TRPS1: variants seen among roughly 807,000 people sequenced by gnomAD.
The protein encoded by TRPS1 is zinc finger transcription factor Trps1.
TRPS1 carries 6 observed loss-of-function variants against 101.2 expected under a neutral mutation model. The observed-to-expected ratio is 0.06, with a 90% CI of 0.03 to 0.12. TRPS1 has a LOEUF of 0.12. TRPS1 is among the 10% of genes least tolerant of loss of function. TRPS1 has a pLI of 1.00. For missense variants in TRPS1, 1,363 were observed against 1,567.0 expected (o/e 0.87, Z 2.20); for synonymous variants, 578 against 589.8 (o/e 0.98, Z 0.29).
At chr8:115,632,057 A>G (rs1818658394) in intron 1 of TRPS1, among the ~76,000 whole-genome samples, 1 of 152,134 alleles carries the variant, frequency 6.6e-6, no homozygotes, top group Non-Finnish European at 1.5e-5. Context: ...TACACAGAGG[A>G]AAGTTCATTA....
chr8:115,629,587 A>AT (rs749337747), intron 1 of TRPS1, among the ~76,000 whole-genome samples: 2 of 151,992 alleles, frequency 1.3e-5, no homozygotes, highest in Non-Finnish European at 2.9e-5. Context: ...TTAAAACCTT[A>AT]TATGCCAAAT....
At chr8:115,434,260 C>A (rs1264094123) in intron 5 of TRPS1, among the ~76,000 whole-genome samples, 6 of 152,100 alleles carry the variant, frequency 3.9e-5, no homozygotes, top group Non-Finnish European at 8.8e-5. Context: ...TATTAAAATA[C>A]TTGGCCTTAT....
intron 5 of TRPS1, among the ~76,000 whole-genome samples, chr8:115,575,953 T>C (rs1444511186): frequency 6.6e-6 from 1 of 152,110 alleles, no homozygotes; most frequent in Non-Finnish European, 1.5e-5. Context: ...AGTTTCTGCA[T>C]CCAAAATTCT....
At chr8:115,535,227 T>TATATAGC (rs1303104221) in intron 5 of TRPS1, among the ~76,000 whole-genome samples, 2,867 of 118,794 alleles carry the variant, frequency 0.024, 93 homozygotes, top group African/African-American at 0.036. Flanking sequence ...ATATAGCATA[T>TATATAGC]ATATATAGCA....
chr8:115,427,019 C>T (rs1287619292), intron 5 of TRPS1, among the ~76,000 whole-genome samples: 1 of 152,016 alleles, frequency 6.6e-6, no homozygotes, highest in African/African-American at 2.4e-5. Context: ...TGCCTGTAAT[C>T]CCAGTGCTTT....
intron 4 of TRPS1, among the ~76,000 whole-genome samples, chr8:115,594,460 T>C (rs577503419): frequency 3.9e-4 from 60 of 152,164 alleles, no homozygotes; most frequent in African/African-American, 1.3e-3. Context: ...TTATAAAATC[T>C]CACTGTGTCC....
chr8:115,576,755 G>C (rs1479002900), intron 5 of TRPS1, among the ~76,000 whole-genome samples: 1 of 152,056 alleles, frequency 6.6e-6, no homozygotes, highest in Non-Finnish European at 1.5e-5. Context: ...GAACCTCAAA[G>C]GTTAGTATAT....
chr8:115,418,467 A>G lies in TRPS1; in HGVS notation c.2701-15T>C, dbSNP rs201084714. 2.5e-4 allele frequency: 397 copies of G among 1,613,994 alleles called. No individual in the cohort carries two copies. Among genetic ancestry groups the G allele is most frequent in the Non-Finnish European group, 3.3e-4 (387 of 1,179,974 alleles). On this transcript the variant is annotated splice_polypyrimidine_tract_variant and intron_variant, in intron 5 of 6. Coordinates refer to ENST00000395715, the MANE Select transcript of TRPS1 (RefSeq NM_014112.5). This position sits in a 1 kb window ranked among gnomAD's most constrained non-coding sequence, Gnocchi z 4.3. ...CCTCTACGCCTCTGAAACAGGGGAA[A>G]AAAACCAAGGTCAGAGGTGAGTCAC...
At chr8:115,435,989 A>G (rs1483351846) in intron 5 of TRPS1, among the ~76,000 whole-genome samples, 1 of 140,108 alleles carries the variant, frequency 7.1e-6, no homozygotes, top group Non-Finnish European at 1.5e-5. Context: ...TGCTACAACA[A>G]ATGAGAAATC....
intron 4 of TRPS1, among the ~76,000 whole-genome samples, chr8:115,598,301 C>A (rs569238447): frequency 6.6e-6 from 1 of 152,200 alleles, no homozygotes; most frequent in South Asian, 2.1e-4. Flanking sequence ...TAATTCTAGT[C>A]ATTTTCCCTT....
intron 1 of TRPS1, among the ~76,000 whole-genome samples, chr8:115,646,511 T>C (rs1819027760): frequency 6.6e-6 from 1 of 152,014 alleles, no homozygotes; most frequent in Admixed American, 6.6e-5. Context: ...TATAGAAAAA[T>C]GCAAAATAAA....
At chr8:115,635,240 C>T (rs1331195352) in intron 1 of TRPS1, among the ~76,000 whole-genome samples, 1 of 152,150 alleles carries the variant, frequency 6.6e-6, no homozygotes, top group African/African-American at 2.4e-5. Flanking sequence ...CTACCACTTC[C>T]CTTTCATGGA....
intron 1 of TRPS1, chr8:115,668,341 CTT>C (rs773247592): frequency 9.7e-4 from 89 of 91,464 alleles, no homozygotes; most frequent in African/African-American, 4.6e-3. Context: ...TCTCCCTCTG[CTT>C]TTTTTTTTTT....
chr8:115,509,364 A>G (rs1371139912), intron 5 of TRPS1, among the ~76,000 whole-genome samples: 1 of 152,062 alleles, frequency 6.6e-6, no homozygotes, highest in African/African-American at 2.4e-5. Flanking sequence ...CTATGGAGAC[A>G]GATAAAAAAT....
chr8:115,436,110 CTCTA>C (rs765478583), intron 5 of TRPS1, among the ~76,000 whole-genome samples: 4 of 151,706 alleles, frequency 2.6e-5, no homozygotes, highest in African/African-American at 7.3e-5. Flanking sequence ...TTACTCATAA[CTCTA>C]TCTTTTATTT....
At chr8:115,431,809 T>C (rs1444460409) in intron 5 of TRPS1, among the ~76,000 whole-genome samples, 1 of 151,986 alleles carries the variant, frequency 6.6e-6, no homozygotes, top group Non-Finnish European at 1.5e-5. Flanking sequence ...CTTGGGTTTA[T>C]ACAGACCCAG....
chr8:115,604,338 C>T lies in TRPS1; in HGVS notation c.1631G>A (p.Arg544Gln), dbSNP rs769392409. 11 of 1,613,876 alleles carry T rather than the reference C, an allele frequency of 6.8e-6. No homozygotes were observed. The East Asian group carries it at 1.3e-4, about 20-fold the overall frequency. The change falls in exon 4 of 7, where the codon CGA becomes CAA. Residue 544 changes from arginine to glutamine, a missense_variant. Coordinates refer to ENST00000395715, the MANE Select transcript of TRPS1 (RefSeq NM_014112.5). The surrounding 1 kb of genome is among the most constrained non-coding windows in gnomAD (Gnocchi z 4.1). The part of the protein sequence containing the change: ...TSYNCQFCDF[R>Q]YSKSHGPDVI... ...ATCAGGGCCATGGCTTTTGGAATAT[C>T]GGAAGTCACAGAACTGACAATTATA...
intron 5 of TRPS1, among the ~76,000 whole-genome samples, chr8:115,538,275 TG>T (rs1424363679): frequency 6.6e-6 from 1 of 152,196 alleles, no homozygotes; most frequent in African/African-American, 2.4e-5. Flanking sequence ...ATCACTAACT[TG>T]AAAGTTTCTT....
Position 115,662,153 on chromosome 8 carries a change from G to T in TRPS1, c.-122+6392C>A, listed in dbSNP as rs577578727. 2.0e-5 allele frequency among the ~76,000 whole-genome samples: 3 copies of T among 151,958 alleles called. No individual in the cohort carries two copies. In the South Asian group the frequency reaches 6.2e-4, roughly 32 times the overall value. ...ATTTGAACTAGAGTCTGTAACTCTC[G>T]CAAGAAAAACTGAGAAACATATCAA... is the stretch of plus-strand genomic sequence containing the variant. On this transcript the variant is annotated intron_variant, in intron 1 of 6. Transcript: ENST00000395715.
Sources: gnomAD v4.1 joint callset for allele counts (sites outside exome capture counted in the v4.1 genomes callset) on GRCh38, gnomAD v4.1.1 for gene constraint, Gnocchi (gnomAD v3.1) non-coding constraint, MANE v1.5 for transcripts, NCBI Gene and HGNC (gene_info 2026-07-23, HGNC 2026-07-21) for gene names.